Variants in KLHL1 observed in about 807,000 individuals in gnomAD.
KLHL1 encodes kelch-like protein 1.
In KLHL1, 47 loss-of-function variants were observed where a neutral mutation model predicts 77.7. The observed-to-expected ratio is 0.60, with a 90% CI of 0.48 to 0.77. The LOEUF (loss-of-function observed/expected upper bound fraction) is 0.77. Ranked by LOEUF, KLHL1 falls within the 30% of genes least tolerant of loss-of-function variation. The pLI, the probability that KLHL1 is intolerant of heterozygous loss-of-function variation, is 0.00. For missense variants in KLHL1, 925 were observed against 910.8 expected (o/e 1.02, Z -0.20); for synonymous variants, 360 against 325.2 (o/e 1.11, Z -1.15).
chr13:69,864,554 T>G (rs1011916452), intron 5 of KLHL1, among the ~76,000 whole-genome samples: 3 of 152,082 alleles, frequency 2.0e-5, no homozygotes, highest in Non-Finnish European at 4.4e-5. Flanking sequence ...CAATATTTTA[T>G]ATAGCACCAT....
At chr13:69,752,263 G>A (rs1001879251) in intron 7 of KLHL1, among the ~76,000 whole-genome samples, 1 of 151,990 alleles carries the variant, frequency 6.6e-6, no homozygotes, top group African/African-American at 2.4e-5. Context: ...ACTATTGAAG[G>A]AATCAGTTAA....
intron 7 of KLHL1, among the ~76,000 whole-genome samples, chr13:69,742,904 AG>A (rs1874044848): frequency 6.6e-6 from 1 of 152,200 alleles, no homozygotes; most frequent in African/African-American, 2.4e-5. Context: ...TTATTTCAAA[AG>A]GATATGATAT....
At chr13:70,083,240 C>A (rs1465670225) in intron 1 of KLHL1, among the ~76,000 whole-genome samples, 2 of 152,136 alleles carry the variant, frequency 1.3e-5, no homozygotes, top group African/African-American at 4.8e-5. Flanking sequence ...GTCGTCACTA[C>A]TAATTTGGAA....
chr13:70,024,644 C>CTCTCTCTCTCTCTCTCTCTCTT (rs1566508912), intron 1 of KLHL1, among the ~76,000 whole-genome samples: 8 of 149,134 alleles, frequency 5.4e-5, no homozygotes, highest in Non-Finnish European at 1.2e-4. Flanking sequence ...CTCTCTCTCT[C>CTCTCTCTCTCTCTCTCTCTCTT]TCTCTCTCTC....
chr13:69,907,851 T>C (rs1167224225), intron 4 of KLHL1, among the ~76,000 whole-genome samples: 1 of 152,100 alleles, frequency 6.6e-6, no homozygotes, highest in Non-Finnish European at 1.5e-5. Context: ...TGGAGCAACA[T>C]AGAGGACATT....
At chr13:69,780,717 T>C (rs1332338674) in intron 7 of KLHL1, among the ~76,000 whole-genome samples, 3 of 35,492 alleles carry the variant, frequency 8.5e-5, no homozygotes, top group Middle Eastern at 0.019. Flanking sequence ...TATATATATG[T>C]ATATATATAT....
chr13:69,734,472 T>C (rs781185029), intron 8 of KLHL1, among the ~76,000 whole-genome samples: 1 of 146,168 alleles, frequency 6.8e-6, no homozygotes, highest in Non-Finnish European at 1.5e-5. Context: ...ATTAATACTA[T>C]AATTTGTTAA....
At chr13:70,103,886 A>T (rs1271221935) in intron 1 of KLHL1, among the ~76,000 whole-genome samples, 1 of 152,138 alleles carries the variant, frequency 6.6e-6, no homozygotes, top group Non-Finnish European at 1.5e-5. Context: ...GCTATGTAAG[A>T]CTACAGTTCA....
intron 1 of KLHL1, among the ~76,000 whole-genome samples, chr13:70,036,835 C>CTTTTTTTTTTTTTTTTTTTTTTTTTGT (rs5804467): frequency 3.9e-5 from 2 of 50,684 alleles, no homozygotes; most frequent in Non-Finnish European, 3.6e-5. Flanking sequence ...ATGCCATGGT[C>CTTTTTTTTTTTTTTTTTTTTTTTTTGT]TTTTTTTTTT....
chr13:69,878,717 G>C (rs563803964), intron 5 of KLHL1, among the ~76,000 whole-genome samples: 1 of 144,496 alleles, frequency 6.9e-6, no homozygotes, highest in South Asian at 2.1e-4. Flanking sequence ...TATATAGAGA[G>C]AGAGAGAGAG....
At chr13:69,920,006 C>T (rs1445659111) in intron 4 of KLHL1, among the ~76,000 whole-genome samples, 2 of 152,040 alleles carry the variant, frequency 1.3e-5, no homozygotes, top group South Asian at 2.1e-4. Flanking sequence ...AATTAAAGAA[C>T]ATATATGTAA....
chr13:69,965,675 G>T (rs1413053584), intron 2 of KLHL1, among the ~76,000 whole-genome samples: 1 of 152,072 alleles, frequency 6.6e-6, no homozygotes, highest in African/African-American at 2.4e-5. Flanking sequence ...GGCCTTTTTT[G>T]CCAAACACTT....
chr13:69,993,802 T>C (rs1885083702), intron 1 of KLHL1, among the ~76,000 whole-genome samples: 1 of 152,120 alleles, frequency 6.6e-6, no homozygotes, highest in Non-Finnish European at 1.5e-5. Flanking sequence ...TTCCTCAATG[T>C]AAATACATTT....
At chr13:69,780,731 TAC>T (rs1445956736) in intron 7 of KLHL1, among the ~76,000 whole-genome samples, 2,056 of 74,170 alleles carry the variant, frequency 0.028, 94 homozygotes, top group South Asian at 0.037. Flanking sequence ...TATATATATA[TAC>T]ATATATATAT....
intron 6 of KLHL1, among the ~76,000 whole-genome samples, chr13:69,825,042 C>A (rs764751719): frequency 6.6e-6 from 1 of 152,040 alleles, no homozygotes; most frequent in East Asian, 1.9e-4. Context: ...TAGATGGATA[C>A]GTATGTGATA....
intron 3 of KLHL1, among the ~76,000 whole-genome samples, chr13:69,960,926 A>G (rs1163337409): frequency 6.6e-6 from 1 of 152,056 alleles, no homozygotes; most frequent in African/African-American, 2.4e-5. Context: ...AAAGTAACAC[A>G]TTCCAGGGAA....
At chr13:69,862,723 T>C (rs1231827351) in intron 5 of KLHL1, among the ~76,000 whole-genome samples, 5 of 135,938 alleles carry the variant, frequency 3.7e-5, no homozygotes, top group Non-Finnish European at 6.4e-5. Flanking sequence ...CTGATGTTTA[T>C]ATAGGAAGAG....
chr13:70,026,863 G>A (rs1026769529), intron 1 of KLHL1, among the ~76,000 whole-genome samples: 1 of 151,338 alleles, frequency 6.6e-6, no homozygotes, highest in African/African-American at 2.4e-5. Context: ...ATTAAAAAAA[G>A]ACAAATAGAG....
intron 2 of KLHL1, among the ~76,000 whole-genome samples, chr13:69,972,515 A>G (rs890629408): frequency 1.8e-4 from 27 of 151,858 alleles, no homozygotes; most frequent in Non-Finnish European, 3.8e-4. Context: ...AATTTAAATA[A>G]TACATCTGTT....
Sources: allele counts gnomAD v4.1 joint callset (sites outside exome capture counted in the v4.1 genomes callset), GRCh38; gene constraint gnomAD v4.1.1; transcripts MANE v1.5; gene names NCBI Gene and HGNC (gene_info 2026-07-23, HGNC 2026-07-21).